The following SLC19A1 variants were observed in gnomAD, a reference collection of about 807,000 sequenced individuals.
SLC19A1 encodes the protein solute carrier family 19 member 1.
Under a neutral mutation model 35.3 loss-of-function variants are expected in SLC19A1, and 37 were observed. The ratio of observed to expected loss-of-function variants is 1.05; its 90% CI spans 0.81 to 1.38. SLC19A1 has a LOEUF of 1.38. Ranked by LOEUF, SLC19A1 falls within the 40% of genes most tolerant of loss-of-function variation. The pLI, the probability that SLC19A1 is intolerant of heterozygous loss-of-function variation, is 0.00. For missense variants in SLC19A1, 831 were observed against 826.9 expected, an observed-to-expected ratio of 1.00 and a Z score of -0.06; for synonymous variants, 460 against 398.5, an observed-to-expected ratio of 1.15 and a Z score of -1.84.
At chr21:45,520,629 C>T (rs1018459722) in intron 5 of SLC19A1, among the ~76,000 whole-genome samples, 1 of 152,226 alleles carries the variant, frequency 6.6e-6, no homozygotes, top group Non-Finnish European at 1.5e-5. Context: ...CCCACAATGT[C>T]ACTGCATTTG....
At position 45,530,548 on chromosome 21, in the gene SLC19A1, G is replaced by A. The variant is rs1270227205; in HGVS notation, c.1151+222C>T. On this transcript the variant is annotated intron_variant, in intron 4 of 5. Transcript: ENST00000311124. The surrounding 1 kb of genome is among the most constrained non-coding windows in gnomAD (Gnocchi z 5.3). ...GGCTGTGAGCCCAGCAGGCTTCAGA[G>A]AGGAGCGTGGAGGGCCTGGGGGAGC... 2.0e-5 allele frequency among the ~76,000 whole-genome samples: 3 copies of A among 152,158 alleles called. No individual in the cohort carries two copies. Among genetic ancestry groups the A allele is most frequent in the African/African-American group, 7.2e-5 (3 of 41,434 alleles).
chr21:45,547,624 T>C (rs2078428090), upstream of SLC19A1, among the ~76,000 whole-genome samples: 1 of 152,202 alleles, frequency 6.6e-6, no homozygotes, highest in Non-Finnish European at 1.5e-5. Flanking sequence ...TCCCGACATG[T>C]TTAGCTTTAC....
chr21:45,551,261 C>CA (rs756864075), intron 1 of SLC19A1, among the ~76,000 whole-genome samples: 93 of 151,598 alleles, frequency 6.1e-4, no homozygotes, highest in Admixed American at 1.4e-3. Flanking sequence ...AGGAAAAAAA[C>CA]AAAAAAAATC....
chr21:45,532,622 TG>T (rs5844241), intron 2 of SLC19A1, among the ~76,000 whole-genome samples: 80,614 of 151,782 alleles, frequency 0.53, 21,870 homozygotes, highest in South Asian at 0.62. Flanking sequence ...TTAGTAGAGA[TG>T]GGGGTTTCAC....
At chr21:45,541,582 T>C (rs60881836) in intron 1 of SLC19A1, among the ~76,000 whole-genome samples, 2,683 of 152,336 alleles carry the variant, frequency 0.018, 92 homozygotes, top group African/African-American at 0.061. Context: ...GCTTTCCTGC[T>C]GTAGCGGTGT....
chr21:45,531,908 CGAGA>C lies in SLC19A1; in HGVS notation c.426_429del (p.Leu143CysfsTer60). 1.3e-6 allele frequency: 2 copies of C among 1,592,740 alleles called. No homozygotes were observed. Among genetic ancestry groups the C allele is most frequent in the Non-Finnish European group, 1.7e-6 (2 of 1,170,444 alleles). ...ACACGCTGGTAGCGCGCGGGCCGCA[CGAGA>C]GAGAAGATGTAGGAGGAATAGGCGA... On this transcript the variant is annotated frameshift_variant, in exon 3 of 6. Coordinates refer to ENST00000311124, the MANE Select transcript of SLC19A1 (RefSeq NM_194255.4). LOFTEE classifies it high-confidence loss of function.
intron 1 of SLC19A1, among the ~76,000 whole-genome samples, chr21:45,555,205 A>C (rs905671953): frequency 4.1e-4 from 3 of 7,242 alleles, no homozygotes; most frequent in South Asian, 7.6e-3. Flanking sequence ...GGGGCGGCGC[A>C]GGGGGCGGTG....
Position 45,514,714 on chromosome 21 carries a change from A to G in SLC19A1, c.*944T>C, listed in dbSNP as rs142557721. On this transcript the variant is annotated 3_prime_UTR_variant, in exon 6 of 6. Coordinates refer to ENST00000311124, the MANE Select transcript of SLC19A1 (RefSeq NM_194255.4). ...GCCCTGAATCAGAAGCCCTGCGCAC[A>G]CTCACTTAAGTGTGTTTAATGTATG... 294 of 372,450 alleles carry G rather than the reference A, an allele frequency of 7.9e-4. 1 individual carries two copies. The highest frequency in any genetic ancestry group is 5.7e-3 in the African/African-American group (272 of 47,616). The allele number at this position is 372,450 out of a possible 1,614,324, so 23.1% of individuals were successfully genotyped here.
chr21:45,503,745 C>T (rs1034469690), intron 3 of SLC19A1, among the ~76,000 whole-genome samples: 1 of 151,650 alleles, frequency 6.6e-6, no homozygotes, highest in African/African-American at 2.4e-5. Context: ...ATGTAACTAA[C>T]CTGCACATCA....
chr21:45,518,411 A>C (rs1268796316), intron 5 of SLC19A1, among the ~76,000 whole-genome samples: 1 of 152,154 alleles, frequency 6.6e-6, no homozygotes, highest in Non-Finnish European at 1.5e-5. Context: ...GATCTAGAAA[A>C]AGAGGAGAAA....
downstream of SLC19A1, chr21:45,509,426 A>AGCACCC: frequency 6.5e-7 from 1 of 1,535,354 alleles, no homozygotes; most frequent in Non-Finnish European, 8.8e-7. Context: ...CCGCGGCGGG[A>AGCACCC]GCACCCCCAC....
At position 45,514,231 on chromosome 21, in the gene SLC19A1, A is replaced by C. The variant is rs2037768199; in HGVS notation, c.*1427T>G. The C allele has an allele frequency of 6.6e-6, 1 of 151,180 alleles. No homozygotes were observed. The highest frequency in any genetic ancestry group is 2.4e-5 in the African/African-American group (1 of 40,838). The allele number at this position is 151,180 out of a possible 1,614,324, so 9.4% of individuals were successfully genotyped here. On this transcript the variant is annotated 3_prime_UTR_variant, in exon 6 of 6. Transcript: ENST00000311124. ...CCACCCATCACATCCTGCTAGATCT[A>C]CGAGCCCAGGAAATGGCTGGTGCAG...
rs1205261582 is a variant in SLC19A1, at chr21:45,530,509, T to C, written c.1151+261A>G. The stretch of plus-strand genomic sequence containing the variant: ...CAGCCCGGGGCCTAGAGGGTGGGGT[T>C]GGGAGCAGGGCAAGGCTGTGAGCCC... On this transcript the variant is annotated intron_variant, in intron 4 of 5. Transcript: ENST00000311124. This position sits in a 1 kb window ranked among gnomAD's most constrained non-coding sequence, Gnocchi z 5.3. Among the ~76,000 whole-genome samples, 1 of 152,018 alleles carries C rather than the reference T, an allele frequency of 6.6e-6. No individual in the cohort carries two copies. Among genetic ancestry groups the C allele is most frequent in the Non-Finnish European group, 1.5e-5 (1 of 67,978 alleles).
intron 3 of SLC19A1, chr21:45,503,945 C>A: frequency 6.3e-7 from 1 of 1,581,024 alleles, no homozygotes. Context: ...GTGCTGGGGG[C>A]TGCAGAGGGA....
rs1328894124 is a variant in SLC19A1 at position 45,517,363 on chromosome 21, C to T, written c.1294-1223G>A. Among the ~76,000 whole-genome samples the T allele has an allele frequency of 6.6e-6, 1 of 152,054 alleles. No individual in the cohort carries two copies. The highest frequency in any genetic ancestry group is 6.6e-5 in the Admixed American group (1 of 15,260). On this transcript the variant is annotated intron_variant, in intron 5 of 5. Coordinates refer to ENST00000311124, the MANE Select transcript of SLC19A1 (RefSeq NM_194255.4). This position sits in a 1 kb window ranked among gnomAD's most constrained non-coding sequence, Gnocchi z 4.4. ...CCACCCACCATGTCAGCAAGGACCC[C>T]CCACCCTCGCCAGCCTGTAACAAGG...
At chr21:45,521,545 A>G (rs2077438788) in intron 5 of SLC19A1, among the ~76,000 whole-genome samples, 1 of 152,252 alleles carries the variant, frequency 6.6e-6, no homozygotes, top group Non-Finnish European at 1.5e-5. Context: ...AAAGGCAAAG[A>G]AACTATAATA....
chr21:45,543,345 C>A (rs997406733), upstream of SLC19A1, among the ~76,000 whole-genome samples: 1 of 152,202 alleles, frequency 6.6e-6, no homozygotes, highest in Admixed American at 6.5e-5. Flanking sequence ...AAGCCGAGGG[C>A]TGTGGGGGCC....
In SLC19A1 at chr21:45,531,665, A is replaced by C. The variant is rs1317268410; in HGVS notation, c.673T>G (p.Ser225Ala). ...CCAGGATTCATGCGCTCCAGCTCCGAAGCCGAGGTTTCGCACCGCCCCCGG... is the reference window on the plus strand; with the variant it reads ...CCAGGATTCATGCGCTCCAGCTCCGCAGCCGAGGTTTCGCACCGCCCCCGG... ...DDRGRCETSASELERMNPGPG... is the reference protein window; with the variant it reads ...DDRGRCETSAAELERMNPGPG... Residue 225 changes from serine (S) to alanine (A), a missense_variant, in exon 3 of 6, where the codon TCG (serine) becomes GCG (alanine). By Grantham distance (99) the Ser-to-Ala change is moderately conservative (BLOSUM62 1). Transcript: ENST00000311124. The C allele has an allele frequency of 3.1e-6, 5 of 1,612,388 alleles. No homozygotes were observed. Among genetic ancestry groups the C allele is most frequent in the Non-Finnish European group, 3.4e-6 (4 of 1,179,790 alleles).
intron 1 of SLC19A1, among the ~76,000 whole-genome samples, chr21:45,552,684 C>A (rs538584072): frequency 6.7e-6 from 1 of 149,678 alleles, no homozygotes; most frequent in Non-Finnish European, 1.5e-5. Flanking sequence ...CGAAGTGGAG[C>A]GGGTCTTAGT....
Sources: allele counts gnomAD v4.1 joint callset (sites outside exome capture counted in the v4.1 genomes callset), GRCh38; gene constraint gnomAD v4.1.1; non-coding constraint Gnocchi (gnomAD v3.1); transcripts MANE v1.5; gene names NCBI Gene and HGNC (gene_info 2026-07-23, HGNC 2026-07-21).